Variants in LRRC39 observed in about 807,000 individuals in gnomAD.
LRRC39 encodes the protein leucine rich repeat containing 39, also known as leucine-rich repeat-containing protein 39.
In LRRC39, 35 loss-of-function variants were observed where a neutral mutation model predicts 39.7. The ratio of observed to expected loss-of-function variants is 0.88; its 90% CI spans 0.67 to 1.17. LRRC39 has a LOEUF of 1.17. Ranked by LOEUF, LRRC39 falls within the 50% of genes most tolerant of loss-of-function variation. LRRC39 has a pLI of 0.00. For synonymous variants in LRRC39, 113 were observed against 134.1 expected, an observed-to-expected ratio of 0.84 and a Z score of 1.09; for missense variants, 357 against 385.8, an observed-to-expected ratio of 0.93 and a Z score of 0.62.
chr1:100,158,801 C>T (rs532789332), intron 5 of LRRC39, among the ~76,000 whole-genome samples: 2 of 151,896 alleles, frequency 1.3e-5, no homozygotes, highest in South Asian at 4.2e-4. Flanking sequence ...TTTCCTTTTC[C>T]CAGTCTGTGT....
chr1:100,178,592 A>G (rs1046860525), upstream of LRRC39, among the ~76,000 whole-genome samples: 2 of 152,190 alleles, frequency 1.3e-5, no homozygotes, highest in Admixed American at 1.3e-4. Flanking sequence ...CTAAAGACCC[A>G]GATGCTTTAG....
In LRRC39 at chr1:100,160,541, G is replaced by T; in HGVS notation, c.144C>A (p.Ser48Arg). 6.2e-7 allele frequency: 1 copy of T among 1,613,366 alleles called. No homozygotes were observed. Residue 48 changes from serine to arginine, a missense_variant, in exon 4 of 10, where the codon AGC becomes AGA. Ser to Arg is a moderately radical substitution (Grantham distance 110). Coordinates refer to ENST00000370137, the MANE Select transcript of LRRC39 (RefSeq NM_144620.4). ...TGACCTTTTCTCTTAGCTTGGTTAA[G>T]CTTACTCGTTCTTCCCAGATCCGCA... Reference protein sequence around the residue: ...KLVRIWEERVSLTKLREKVTR... With the variant: ...KLVRIWEERVRLTKLREKVTR...
chr1:100,148,649 G>A lies in LRRC39; in HGVS notation c.*393C>T, dbSNP rs1657615294. ...GGCTTCTTAGTGTTGAAGAAAAGAAGAAAATAGGGCATCTTTGTAAATTGC... is the reference window on the plus strand; with the variant it reads ...GGCTTCTTAGTGTTGAAGAAAAGAAAAAAATAGGGCATCTTTGTAAATTGC... On this transcript the variant is annotated 3_prime_UTR_variant, in exon 10 of 10. Coordinates refer to ENST00000370137, the MANE Select transcript of LRRC39 (RefSeq NM_144620.4). 6.2e-7 allele frequency: 1 copy of A among 1,609,402 alleles called. No homozygotes were observed. Among genetic ancestry groups the A allele is most frequent in the Non-Finnish European group, 8.5e-7 (1 of 1,178,952 alleles).
intron 3 of LRRC39, among the ~76,000 whole-genome samples, chr1:100,163,532 T>C (rs892153594): frequency 2.0e-5 from 3 of 151,576 alleles, no homozygotes; most frequent in Admixed American, 1.3e-4. Context: ...TGTGAGGTTA[T>C]AATTAAATGA....
chr1:100,153,686 TA>T (rs894373584), intron 8 of LRRC39, among the ~76,000 whole-genome samples: 2 of 152,138 alleles, frequency 1.3e-5, no homozygotes, highest in Non-Finnish European at 2.9e-5. Context: ...AAATAATTTT[TA>T]AAAAGAAAAA....
intron 3 of LRRC39, among the ~76,000 whole-genome samples, chr1:100,162,888 A>G (rs1433475003): frequency 6.6e-6 from 1 of 152,230 alleles, no homozygotes; most frequent in Non-Finnish European, 1.5e-5. Flanking sequence ...GCAGTTTTGT[A>G]TATTAACTGA....
At chr1:100,157,982 C>T (rs552544207) in intron 6 of LRRC39, among the ~76,000 whole-genome samples, 3 of 152,304 alleles carry the variant, frequency 2.0e-5, no homozygotes, top group East Asian at 1.9e-4. Context: ...ACAACTCTCA[C>T]CCTGGCCTTC....
At position 100,152,545 on chromosome 1, in the gene LRRC39, AG is replaced by A. The variant is rs748721480; in HGVS notation, c.813-22del. The stretch of plus-strand genomic sequence containing the variant: ...CAAACCTAGAAGTTCATCAAAAAAC[AG>A]TATTTTTATAGGTGTCATGGAAGTG... On this transcript the variant is annotated intron_variant, in intron 8 of 9. Coordinates refer to ENST00000370137, the MANE Select transcript of LRRC39 (RefSeq NM_144620.4). 1.9e-6 allele frequency: 3 copies of A among 1,611,330 alleles called. No individual in the cohort carries two copies. The African/African-American group carries it at 4.0e-5, about 22-fold the overall frequency.
In LRRC39 at chr1:100,158,301, AGTTCCTTGGGG is replaced by A. The variant is rs780149321; in HGVS notation, c.432_442del (p.Pro145LysfsTer2). The stretch of plus-strand genomic sequence containing the variant: ...TTTCTCCAAGCTGGCACAATTACTT[AGTTCCTTGGGG>A]ACAGTCTTGATTTTGTTGTAGCTGA... On this transcript the variant is annotated frameshift_variant, in exon 6 of 10. Transcript: ENST00000370137. LOFTEE classifies it high-confidence loss of function. The A allele has an allele frequency of 3.7e-6, 6 of 1,613,950 alleles. No individual in the cohort carries two copies. The South Asian group carries it at 5.5e-5, about 15-fold the overall frequency.
At chr1:100,157,411 A>C (rs1658543932) in intron 6 of LRRC39, among the ~76,000 whole-genome samples, 1 of 152,208 alleles carries the variant, frequency 6.6e-6, no homozygotes, top group Non-Finnish European at 1.5e-5. Flanking sequence ...CTCCCCAGCC[A>C]CGTGAAACTG....
At chr1:100,171,266 T>C (rs1342322240) in intron 2 of LRRC39, among the ~76,000 whole-genome samples, 1 of 152,006 alleles carries the variant, frequency 6.6e-6, no homozygotes, top group African/African-American at 2.4e-5. Flanking sequence ...AATAAAGAAC[T>C]ATATCCTACA....
At chr1:100,158,409 A>G in intron 5 of LRRC39, 42 bp from the exon 6 acceptor site, 1 of 1,548,150 alleles carries the variant, frequency 6.5e-7, no homozygotes, top group Non-Finnish European at 8.8e-7. Flanking sequence ...TGGATATAAA[A>G]TAATCTTTAT....
rs201994806 is a variant in LRRC39, at chr1:100,148,720, G to T, written c.*322C>A. ...CAGTATTTGCAGCAGAAGGGATTCAGTCCTGCTTTGCAGTACTATACAGAC... is the reference window on the plus strand; with the variant it reads ...CAGTATTTGCAGCAGAAGGGATTCATTCCTGCTTTGCAGTACTATACAGAC... On this transcript the variant is annotated 3_prime_UTR_variant, in exon 10 of 10. Transcript: ENST00000370137. 124 of 1,613,088 alleles carry T rather than the reference G, an allele frequency of 7.7e-5. No individual in the cohort carries two copies. The highest frequency in any genetic ancestry group is 1.6e-4 in the Middle Eastern group (1 of 6,080).
chr1:100,156,142 A>G, intron 7 of LRRC39, 30 bp downstream of exon 7: 1 of 1,588,740 alleles, frequency 6.3e-7, no homozygotes, highest in Middle Eastern at 1.7e-4. Context: ...CAAGACTTTT[A>G]TCATTAGCAT....
intron 4 of LRRC39, 32 bp from the exon 5 acceptor site, chr1:100,159,447 T>A (rs1658707213): frequency 1.3e-5 from 20 of 1,490,378 alleles, no homozygotes; most frequent in Non-Finnish European, 1.8e-5. Flanking sequence ...TTGTTGTATA[T>A]TACTTAAATT....
chr1:100,152,877 C>T (rs1260846685), intron 8 of LRRC39, among the ~76,000 whole-genome samples: 1 of 152,108 alleles, frequency 6.6e-6, no homozygotes, highest in Non-Finnish European at 1.5e-5. Context: ...GAGGTGCACA[C>T]CATGACGCCC....
chr1:100,159,157 C>G (rs1658688647), intron 5 of LRRC39, 102 bp downstream of exon 5: 2 of 915,096 alleles, frequency 2.2e-6, no homozygotes, highest in South Asian at 5.7e-5. Flanking sequence ...AGGTTGAGGG[C>G]TGTATAAAGA....
At chr1:100,171,152 A>T (rs1299822726) in intron 2 of LRRC39, among the ~76,000 whole-genome samples, 2 of 152,228 alleles carry the variant, frequency 1.3e-5, no homozygotes, top group Non-Finnish European at 2.9e-5. Flanking sequence ...CTGAAGTGGG[A>T]TATTTTAACA....
chr1:100,169,433 G>GAAT (rs1659454217), intron 2 of LRRC39, among the ~76,000 whole-genome samples: 2 of 152,172 alleles, frequency 1.3e-5, no homozygotes, highest in African/African-American at 4.8e-5. Context: ...ATTCTGTATG[G>GAAT]AGAGAAACTT....
Sources: gnomAD v4.1 joint callset for allele counts (sites outside exome capture counted in the v4.1 genomes callset) on GRCh38, gnomAD v4.1.1 for gene constraint, MANE v1.5 for transcripts, NCBI Gene and HGNC (gene_info 2026-07-23, HGNC 2026-07-21) for gene names.